Variants in MACROD2 observed in about 807,000 individuals in gnomAD.
The protein encoded by MACROD2 is mono-ADP ribosylhydrolase 2.
Under a neutral mutation model 70.4 loss-of-function variants are expected in MACROD2, and 36 were observed. The observed-to-expected ratio is 0.51, with a 90% confidence interval of 0.39 to 0.68. MACROD2 has a LOEUF of 0.68. Among genes scored for constraint, MACROD2 ranks in the 30% least tolerant of loss-of-function variants. MACROD2 has a pLI of 0.00. For synonymous variants in MACROD2, 172 were observed against 178.8 expected (o/e 0.96, Z 0.30); for missense variants, 496 against 538.4 (o/e 0.92, Z 0.78).
chr20:14,285,190 G>A (rs538773936), intron 3 of MACROD2, among the ~76,000 whole-genome samples: 1 of 152,082 alleles, frequency 6.6e-6, no homozygotes, highest in Non-Finnish European at 1.5e-5. Flanking sequence ...TCTGATTTTG[G>A]AATATCTGGT....
rs140920126 is a variant in MACROD2 at position 15,967,608 on chromosome 20, G to T, written c.963G>T (p.Val321=). The T allele has an allele frequency of 4.4e-6, 7 of 1,608,154 alleles. No homozygotes were observed. In the African/African-American group the frequency reaches 9.4e-5, roughly 22 times the overall value. Residue 321 remains valine (V), a synonymous_variant, in exon 13 of 18, where the codon GTG becomes GTT. Coordinates refer to ENST00000684519, the MANE Select transcript of MACROD2 (RefSeq NM_001351661.2). ...TKGGEVTDHS[V]RDQDHPDGQE... is the part of the protein sequence containing the mutation. ...GCGGTGAAGTGACAGATCATTCTGTGCGTGACCAAGATCATCCCGATGGTA... is the reference window on the plus strand; with the variant it reads ...GCGGTGAAGTGACAGATCATTCTGTTCGTGACCAAGATCATCCCGATGGTA...
intron 3 of MACROD2, among the ~76,000 whole-genome samples, chr20:14,340,182 G>A (rs551266963): frequency 5.3e-5 from 8 of 152,178 alleles, no homozygotes; most frequent in African/African-American, 1.7e-4. Flanking sequence ...AGGAAGGGAG[G>A]AGGTGGATTC....
intron 3 of MACROD2, among the ~76,000 whole-genome samples, chr20:14,186,948 AT>A (rs1458907430): frequency 6.6e-6 from 1 of 152,130 alleles, no homozygotes; most frequent in African/African-American, 2.4e-5. Context: ...ACTGGGGACT[AT>A]TTGAGGGCGG....
At chr20:14,206,782 C>T (rs2081527654) in intron 3 of MACROD2, among the ~76,000 whole-genome samples, 2 of 151,804 alleles carry the variant, frequency 1.3e-5, no homozygotes, top group Admixed American at 1.3e-4. Context: ...AATAGACTAG[C>T]AATAACATGG....
chr20:14,470,601 T>A (rs1240414878), intron 3 of MACROD2, among the ~76,000 whole-genome samples: 1 of 152,152 alleles, frequency 6.6e-6, no homozygotes, highest in Non-Finnish European at 1.5e-5. Context: ...GCTGCTGCTT[T>A]TTTTTCAGAG....
chr20:16,013,137 G>A (rs993681666), intron 15 of MACROD2, among the ~76,000 whole-genome samples: 7 of 151,926 alleles, frequency 4.6e-5, no homozygotes, highest in African/African-American at 1.5e-4. Flanking sequence ...CCAGGATCAC[G>A]TGACTGCACT....
intron 6 of MACROD2, among the ~76,000 whole-genome samples, chr20:15,429,494 ACT>A (rs1316945489): frequency 6.6e-6 from 1 of 152,230 alleles, no homozygotes; most frequent in Non-Finnish European, 1.5e-5. Flanking sequence ...GTCAATTTGT[ACT>A]CTCTCTGAAA....
At chr20:15,599,135 C>T (rs2146683964) in intron 8 of MACROD2, among the ~76,000 whole-genome samples, 1 of 151,958 alleles carries the variant, frequency 6.6e-6, no homozygotes, top group African/African-American at 2.4e-5. Context: ...AATCTCAGCA[C>T]TTTGGGAGGC....
chr20:14,695,679 G>A (rs961203851), intron 5 of MACROD2, among the ~76,000 whole-genome samples: 2 of 152,186 alleles, frequency 1.3e-5, no homozygotes, highest in African/African-American at 2.4e-5. Context: ...ATGTGAGTGC[G>A]CTTGCAAGCA....
chr20:15,700,887 T>C (rs1415134847), intron 8 of MACROD2, among the ~76,000 whole-genome samples: 1 of 152,224 alleles, frequency 6.6e-6, no homozygotes, highest in African/African-American at 2.4e-5. Context: ...AATCATTAAT[T>C]CATTCATCTA....
In MACROD2 at chr20:14,616,160, C is replaced by T. The variant is rs548645661; in HGVS notation, c.302-68683C>T. Among the ~76,000 whole-genome samples, 255 of 152,242 alleles carry T rather than the reference C, an allele frequency of 1.7e-3. 1 individual carries two copies. Among genetic ancestry groups the T allele is most frequent in the African/African-American group, 5.7e-3 (238 of 41,562 alleles). On this transcript the variant is annotated intron_variant, in intron 4 of 17. Coordinates refer to ENST00000684519, the MANE Select transcript of MACROD2 (RefSeq NM_001351661.2). The stretch of plus-strand genomic sequence containing the variant: ...TGGGACTTTCTTGGCAATGTCAGAA[C>T]ATTCTGTCATGGCCATATAAACAGC...
chr20:14,720,390 C>T (rs2071450541), intron 5 of MACROD2, among the ~76,000 whole-genome samples: 1 of 152,056 alleles, frequency 6.6e-6, no homozygotes, highest in Admixed American at 6.6e-5. Context: ...CTCCAACCAA[C>T]CAGGGTGCTG....
intron 7 of MACROD2, among the ~76,000 whole-genome samples, chr20:15,488,084 G>A (rs918445624): frequency 1.3e-5 from 2 of 152,106 alleles, no homozygotes; most frequent in African/African-American, 4.8e-5. Flanking sequence ...GTCTGTCCTA[G>A]TCTAGGGATC....
intron 2 of MACROD2, among the ~76,000 whole-genome samples, chr20:14,054,824 G>A (rs577426068): frequency 1.1e-4 from 17 of 152,258 alleles, no homozygotes; most frequent in African/African-American, 1.4e-4. Flanking sequence ...AGTACTCAGA[G>A]ATGAGAACAT....
chr20:15,368,461 C>CCT (rs2045443266), intron 6 of MACROD2, among the ~76,000 whole-genome samples: 1 of 136,842 alleles, frequency 7.3e-6, no homozygotes, highest in Non-Finnish European at 1.6e-5. Context: ...CAATCACAAA[C>CCT]TTTTTTTTTT....
chr20:15,889,178 C>T (rs2064858311), intron 10 of MACROD2, among the ~76,000 whole-genome samples: 1 of 152,096 alleles, frequency 6.6e-6, no homozygotes, highest in Non-Finnish European at 1.5e-5. Flanking sequence ...AACACAAATA[C>T]CATGGTCTTT....
chr20:14,690,859 A>G (rs1476300961), intron 5 of MACROD2, among the ~76,000 whole-genome samples: 4 of 152,168 alleles, frequency 2.6e-5, no homozygotes, highest in Admixed American at 2.6e-4. Context: ...TTCACTATCC[A>G]GCCTCTGTGG....
chr20:15,545,897 T>G (rs902448396), intron 8 of MACROD2, among the ~76,000 whole-genome samples: 1 of 152,210 alleles, frequency 6.6e-6, no homozygotes, highest in African/African-American at 2.4e-5. Context: ...TGGGCAGAAT[T>G]TGATAAATTG....
At chr20:14,894,787 T>C (rs1310871022) in intron 5 of MACROD2, 2 of 152,070 alleles carry the variant, frequency 1.3e-5, no homozygotes, top group Non-Finnish European at 2.9e-5. Flanking sequence ...TTTCAGATCT[T>C]GTGTGTGTGT....
Sources: gnomAD v4.1 joint callset for allele counts (sites outside exome capture counted in the v4.1 genomes callset) on GRCh38, gnomAD v4.1.1 for gene constraint, MANE v1.5 for transcripts, NCBI Gene and HGNC (gene_info 2026-07-23, HGNC 2026-07-21) for gene names.